The following SPATA6 variants were observed in gnomAD, a reference collection of about 807,000 sequenced individuals.
SPATA6 encodes spermatogenesis-associated protein 6.
Under a neutral mutation model 65.3 loss-of-function variants are expected in SPATA6, and 56 were observed. The observed-to-expected ratio is 0.86, with a 90% CI of 0.69 to 1.07. The LOEUF is 1.07. Among genes scored for constraint, SPATA6 ranks in the 50% least tolerant of loss-of-function variants. SPATA6 has a pLI of 0.00. For missense variants in SPATA6, 590 were observed against 594.8 expected, an observed-to-expected ratio of 0.99 and a Z score of 0.08; for synonymous variants, 199 against 213.2, an observed-to-expected ratio of 0.93 and a Z score of 0.58.
chr1:48,394,910 C>T (rs192000452), intron 8 of SPATA6, among the ~76,000 whole-genome samples: 110 of 151,950 alleles, frequency 7.2e-4, no homozygotes, highest in African/African-American at 2.3e-3. Context: ...TTCCTAACAA[C>T]GTAATTAAAA....
rs532962796 is a variant in SPATA6 at position 48,365,740 on chromosome 1, C to G, written c.910-5970G>C. On this transcript the variant is annotated intron_variant, in intron 9 of 12. Transcript: ENST00000371847. Reference sequence around the variant, plus strand: ...GATATACAATCATGTCATCTGCAAACAGGGACAATTTGACTTCCTCTTTCC... The same window carrying G: ...GATATACAATCATGTCATCTGCAAAGAGGGACAATTTGACTTCCTCTTTCC... Among the ~76,000 whole-genome samples the G allele has an allele frequency of 3.7e-4, 56 of 152,254 alleles. No homozygotes were observed. The South Asian group carries it at 0.01, about 28-fold the overall frequency.
chr1:48,332,467 C>A (rs557798054), intron 11 of SPATA6, among the ~76,000 whole-genome samples: 3 of 152,100 alleles, frequency 2.0e-5, no homozygotes, highest in Non-Finnish European at 4.4e-5. Context: ...TTTAAACCAA[C>A]AAACATCAAA....
rs1248262760 is a variant in SPATA6 at position 48,355,670 on chromosome 1, A to G, written c.1194T>C (p.Tyr398=). 4.4e-6 allele frequency: 7 copies of G among 1,605,102 alleles called. No homozygotes were observed. The highest frequency in any genetic ancestry group is 1.7e-5 in the Admixed American group (1 of 59,322). ...TCAAAAAAAAATTTTAGAAACTAAC[A>G]TATAAATGTCTTTGATGAGCCTGAT... The part of the protein sequence containing the change: ...KSHQAHQRHL[Y]DERDLEKDDE... The change falls in exon 11 of 13, where the codon TAT becomes TAC. Residue 398 remains tyrosine, a splice_region_variant and synonymous_variant. Transcript: ENST00000371847.
At chr1:48,469,385 G>A (rs1398703926) in intron 1 of SPATA6, among the ~76,000 whole-genome samples, 2 of 151,752 alleles carry the variant, frequency 1.3e-5, no homozygotes, top group Non-Finnish European at 2.9e-5. Flanking sequence ...AATAGATACA[G>A]AGTGATCTCC....
At chr1:48,323,506 A>T (rs190027189) in intron 11 of SPATA6, among the ~76,000 whole-genome samples, 1 of 152,110 alleles carries the variant, frequency 6.6e-6, no homozygotes, top group Non-Finnish European at 1.5e-5. Flanking sequence ...AACATTGCAC[A>T]TGTATACTGA....
chr1:48,386,103 C>A (rs1459857826), intron 8 of SPATA6, among the ~76,000 whole-genome samples: 1 of 152,132 alleles, frequency 6.6e-6, no homozygotes, highest in Non-Finnish European at 1.5e-5. Flanking sequence ...TATATAAAGA[C>A]AATTGATCTG....
intron 9 of SPATA6, among the ~76,000 whole-genome samples, chr1:48,368,886 C>T (rs1214757937): frequency 6.6e-6 from 1 of 152,116 alleles, no homozygotes; most frequent in African/African-American, 2.4e-5. Context: ...TTTTAGATTT[C>T]CAGTTTTTCT....
At position 48,357,875 on chromosome 1, in the gene SPATA6, C is replaced by A. The variant is rs532788109; in HGVS notation, c.1094+1711G>T. Among the ~76,000 whole-genome samples, 24 of 152,106 alleles carry A rather than the reference C, an allele frequency of 1.6e-4. No individual in the cohort carries two copies. The South Asian group carries it at 2.3e-3, about 15-fold the overall frequency. ...AAAAAGCTTATCTACCATGCCTGCC[C>A]CAGAGAGTATACCAACAGAATGTTA... On this transcript the variant is annotated intron_variant, in intron 10 of 12. Coordinates refer to ENST00000371847, the MANE Select transcript of SPATA6 (RefSeq NM_019073.4).
chr1:48,324,376 C>T (rs1004254451), intron 11 of SPATA6, among the ~76,000 whole-genome samples: 10 of 152,078 alleles, frequency 6.6e-5, no homozygotes, highest in Admixed American at 5.9e-4. Context: ...CAAAACCAGA[C>T]AAAGACACAT....
chr1:48,315,860 A>T (rs1432874228), intron 11 of SPATA6, among the ~76,000 whole-genome samples: 1 of 152,190 alleles, frequency 6.6e-6, no homozygotes, highest in Non-Finnish European at 1.5e-5. Context: ...TACAAAATCA[A>T]TGTGAAAAAA....
At chr1:48,400,925 A>T in intron 6 of SPATA6, 6 of 761,010 alleles carry the variant, frequency 7.9e-6, no homozygotes, top group Non-Finnish European at 1.0e-5. Context: ...GACTTACAGA[A>T]GCAAAGAATG....
Position 48,366,879 on chromosome 1 carries a change from T to A in SPATA6, c.910-7109A>T, listed in dbSNP as rs10157459. ...CTCTTGCTTTTCCAGTTCTTTTAAT[T>A]GTGATGTTAGGGTGTCAATTTTGCA... On this transcript the variant is annotated intron_variant, in intron 9 of 12. Coordinates refer to ENST00000371847, the MANE Select transcript of SPATA6 (RefSeq NM_019073.4). 3.5e-3 allele frequency among the ~76,000 whole-genome samples: 535 copies of A among 152,336 alleles called. 3 individuals carry two copies. The highest frequency in any genetic ancestry group is 0.012 in the African/African-American group (491 of 41,582).
chr1:48,364,742 G>C (rs1298200134), intron 9 of SPATA6, among the ~76,000 whole-genome samples: 1 of 152,240 alleles, frequency 6.6e-6, no homozygotes, highest in South Asian at 2.1e-4. Flanking sequence ...CACCCATTTT[G>C]TAGGTTGCCT....
At chr1:48,323,619 A>T (rs1427093979) in intron 11 of SPATA6, among the ~76,000 whole-genome samples, 1 of 119,502 alleles carries the variant, frequency 8.4e-6, no homozygotes, top group Non-Finnish European at 2.1e-5. Context: ...AACAACAGAA[A>T]AAAAAAAAAA....
intron 11 of SPATA6, among the ~76,000 whole-genome samples, chr1:48,313,999 A>G (rs1171148290): frequency 1.3e-5 from 2 of 152,222 alleles, no homozygotes; most frequent in Non-Finnish European, 2.9e-5. Flanking sequence ...AACTATCCTA[A>G]ATACATATGC....
chr1:48,362,616 T>A (rs1207689434), intron 9 of SPATA6, among the ~76,000 whole-genome samples: 2 of 151,952 alleles, frequency 1.3e-5, no homozygotes, highest in Non-Finnish European at 2.9e-5. Flanking sequence ...TAAATGACAA[T>A]AAGATATGCT....
At chr1:48,305,626 A>G (rs1001903448) in intron 12 of SPATA6, among the ~76,000 whole-genome samples, 161 bp downstream of exon 12, 2 of 152,116 alleles carry the variant, frequency 1.3e-5, no homozygotes, top group Admixed American at 1.3e-4. Flanking sequence ...TTTTACAGAT[A>G]AGTTTCAGTA....
the SPATA6 span, among the ~76,000 whole-genome samples, chr1:48,267,438 T>C: frequency 2.6e-5 from 4 of 152,268 alleles, no homozygotes; most frequent in Admixed American, 2.6e-4. Flanking sequence ...GAATCACACG[T>C]GGGCTTGGAG....
intron 9 of SPATA6, among the ~76,000 whole-genome samples, chr1:48,371,152 CA>C (rs1188769227): frequency 1.3e-5 from 2 of 152,070 alleles, no homozygotes; most frequent in East Asian, 3.9e-4. Flanking sequence ...TCAAATAATA[CA>C]AGGATGGATT....
Sources: allele counts gnomAD v4.1 joint callset (sites outside exome capture counted in the v4.1 genomes callset), GRCh38; gene constraint gnomAD v4.1.1; transcripts MANE v1.5; gene names NCBI Gene and HGNC (gene_info 2026-07-23, HGNC 2026-07-21).